ATP10A: variants seen among roughly 807,000 people sequenced by gnomAD.
ATP10A encodes ATPase phospholipid transporting 10A (putative).
ATP10A carries 111 observed loss-of-function variants against 147.8 expected under a neutral mutation model. That is an observed-to-expected ratio of 0.75 (90% CI 0.64 to 0.88). The LOEUF (loss-of-function observed/expected upper bound fraction) is 0.88. Ranked by LOEUF, ATP10A falls within the 40% of genes least tolerant of loss-of-function variation. The pLI, the probability that ATP10A is intolerant of heterozygous loss-of-function variation, is 0.00. For missense variants in ATP10A, 1,927 were observed against 1,959.0 expected, an observed-to-expected ratio of 0.98 and a Z score of 0.31; for synonymous variants, 875 against 841.6, an observed-to-expected ratio of 1.04 and a Z score of -0.69.
In ATP10A at chr15:25,683,385, C is replaced by G; in HGVS notation, c.3393G>C (p.Ser1131=). The stretch of plus-strand genomic sequence containing the variant: ...CCCCAGTCACGAGCGGGGGAAGTGA[C>G]GAGAAGAGCAGATTAAAGAAGATTA... ...WYLIFFNLLF[S]SLPPLVTGVL... Residue 1131 remains serine (S), a synonymous_variant, in exon 17 of 21, where the codon TCG becomes TCC. Transcript: ENST00000555815. The G allele has an allele frequency of 1.2e-6, 2 of 1,613,946 alleles. No homozygotes were observed. Among genetic ancestry groups the G allele is most frequent in the Admixed American group, 1.7e-5 (1 of 60,010 alleles).
In ATP10A at chr15:25,679,600, T is replaced by G; in HGVS notation, c.4241A>C (p.Lys1414Thr). The part of the protein sequence containing the change: ...RSPGGCPEES[K>T]VRAASTGRVT... ...CCTGCCGGTGCTGGCAGCTCTCACCTTGGACTCCTCAGGACACCCTCCTGG... is the reference window on the plus strand; with the variant it reads ...CCTGCCGGTGCTGGCAGCTCTCACCGTGGACTCCTCAGGACACCCTCCTGG... Residue 1414 changes from lysine to threonine, a missense_variant, in exon 21 of 21, where the codon AAG becomes ACG. Lys to Thr is a moderately conservative substitution (Grantham distance 78). Transcript: ENST00000555815. 2 of 1,611,242 alleles carry G rather than the reference T, an allele frequency of 1.2e-6. No individual in the cohort carries two copies. The highest frequency in any genetic ancestry group is 1.7e-6 in the Non-Finnish European group (2 of 1,178,138).
At chr15:25,698,803 T>C (rs539402161) in intron 13 of ATP10A, among the ~76,000 whole-genome samples, 3 of 152,360 alleles carry the variant, frequency 2.0e-5, no homozygotes, top group African/African-American at 4.8e-5. Flanking sequence ...TTTCAACTTA[T>C]GATTTTTTTG....
chr15:25,751,336 C>T (rs558557502), intron 2 of ATP10A, among the ~76,000 whole-genome samples: 1 of 152,062 alleles, frequency 6.6e-6, no homozygotes, highest in Admixed American at 6.5e-5. Flanking sequence ...TTCAGTAGCC[C>T]TTTACAATAA....
intron 2 of ATP10A, among the ~76,000 whole-genome samples, chr15:25,774,681 A>C (rs1889520654): frequency 6.7e-6 from 1 of 149,216 alleles, no homozygotes; most frequent in Admixed American, 6.6e-5. Context: ...TTATGAAGTC[A>C]CCAGAATTTA....
In ATP10A at chr15:25,733,693, T is replaced by C. The variant is rs1017231857; in HGVS notation, c.740+2363A>G. ...AAAGAGCGTCAGGTGTGGAGAGGCC[T>C]GAATTGGCTGGGCGCACACTGGCCC... On this transcript the variant is annotated intron_variant, in intron 3 of 20. Transcript: ENST00000555815. 2.6e-5 allele frequency among the ~76,000 whole-genome samples: 4 copies of C among 152,150 alleles called. No homozygotes were observed. In the East Asian group the frequency reaches 7.7e-4, roughly 29 times the overall value.
intron 2 of ATP10A, among the ~76,000 whole-genome samples, chr15:25,763,581 T>G (rs776345477): frequency 2.0e-5 from 3 of 152,212 alleles, no homozygotes; most frequent in Non-Finnish European, 2.9e-5. Flanking sequence ...GTCTGTCCTC[T>G]GTCATTATTT....
At chr15:25,835,412 T>A (rs1892546469) in intron 1 of ATP10A, among the ~76,000 whole-genome samples, 1 of 152,052 alleles carries the variant, frequency 6.6e-6, no homozygotes, top group African/African-American at 2.4e-5. Context: ...GTGAAGTGGG[T>A]CTCAATAAAG....
At chr15:25,701,844 TCTGCCAA>T in intron 13 of ATP10A, 65 bp downstream of exon 13, 1 of 1,408,466 alleles carries the variant, frequency 7.1e-7, no homozygotes, top group Non-Finnish European at 9.6e-7. Flanking sequence ...AATGTGAGTG[TCTGCCAA>T]GGGGGCCACG....
At chr15:25,713,526 C>A (rs1184348137) in intron 10 of ATP10A, 148 bp downstream of exon 10, 2 of 880,262 alleles carry the variant, frequency 2.3e-6, no homozygotes, top group Non-Finnish European at 1.7e-6. Context: ...AAACACTGAT[C>A]TGAAGAAACC....
At position 25,698,547 on chromosome 15, in the gene ATP10A, CT is replaced by C. The variant is rs201341603; in HGVS notation, c.2760+3368del. Among the ~76,000 whole-genome samples, 656 of 152,228 alleles carry C rather than the reference CT, an allele frequency of 4.3e-3. 3 individuals are homozygous for C. Among genetic ancestry groups the C allele is most frequent in the Middle Eastern group, 6.8e-3 (2 of 294 alleles). The stretch of plus-strand genomic sequence containing the variant: ...AGTAAGGCTTCTGGTCAACAGTAGG[CT>C]ATGAATAGTCAAGTTTTTGGAGAGT... On this transcript the variant is annotated intron_variant, in intron 13 of 20. Transcript: ENST00000555815.
Position 25,716,835 on chromosome 15 carries a change from C to G in ATP10A, c.1671G>C (p.Leu557=). 6.2e-7 allele frequency: 1 copy of G among 1,611,096 alleles called. No homozygotes were observed. The change falls in exon 9 of 21, where the codon CTG becomes CTC. Residue 557 remains leucine, a synonymous_variant. Coordinates refer to ENST00000555815, the MANE Select transcript of ATP10A (RefSeq NM_024490.4). ...SLAVARHQEH[L]LAHLSPELSD... ...ACAGCTCAGGCGAGAGGTGGGCCAG[C>G]AGGTGCTCCTGATGCCTCGCCACGG...
At chr15:25,693,563 G>A (rs1057190326) in intron 14 of ATP10A, among the ~76,000 whole-genome samples, 9 of 151,928 alleles carry the variant, frequency 5.9e-5, no homozygotes, top group Non-Finnish European at 1.0e-4. Context: ...GGACGCTGAC[G>A]CTCAGAGGAG....
At chr15:25,690,384 C>G (rs373649141) in intron 15 of ATP10A, among the ~76,000 whole-genome samples, 1 of 152,280 alleles carries the variant, frequency 6.6e-6, no homozygotes, top group South Asian at 2.1e-4. Context: ...GCTGGGACTA[C>G]AGGCATGGGC....
chr15:25,765,289 A>G (rs962365871), intron 2 of ATP10A, among the ~76,000 whole-genome samples: 3 of 152,164 alleles, frequency 2.0e-5, no homozygotes, highest in Non-Finnish European at 4.4e-5. Flanking sequence ...ATACCTGCCA[A>G]TAATGACAAC....
downstream of ATP10A, among the ~76,000 whole-genome samples, chr15:25,676,640 T>C (rs1363778566): frequency 6.6e-6 from 1 of 152,230 alleles, no homozygotes; most frequent in African/African-American, 2.4e-5. Context: ...AGTACATCAC[T>C]TGGGCGATTC....
intron 2 of ATP10A, among the ~76,000 whole-genome samples, chr15:25,771,292 C>T (rs571616300): frequency 5.3e-5 from 8 of 152,174 alleles, no homozygotes; most frequent in South Asian, 2.1e-4. Flanking sequence ...ACAAAGAGCC[C>T]GGCACGGCAG....
At chr15:25,810,342 C>G (rs542698001) in intron 1 of ATP10A, among the ~76,000 whole-genome samples, 1 of 152,196 alleles carries the variant, frequency 6.6e-6, no homozygotes, top group Non-Finnish European at 1.5e-5. Context: ...AGTCACCTAC[C>G]GGGACCAAGC....
intron 13 of ATP10A, among the ~76,000 whole-genome samples, chr15:25,698,748 C>T (rs972427476): frequency 5.9e-5 from 9 of 152,150 alleles, no homozygotes; most frequent in Non-Finnish European, 1.2e-4. Context: ...GTTCAATTTA[C>T]AAATTTTCAA....
At chr15:25,747,925 A>T (rs186599722) in intron 2 of ATP10A, among the ~76,000 whole-genome samples, 1 of 152,292 alleles carries the variant, frequency 6.6e-6, no homozygotes, top group African/African-American at 2.4e-5. Context: ...ATATTAAAAA[A>T]CACAAAAGTA....
Sources: gnomAD v4.1 joint callset for allele counts (sites outside exome capture counted in the v4.1 genomes callset) on GRCh38, gnomAD v4.1.1 for gene constraint, MANE v1.5 for transcripts, NCBI Gene and HGNC (gene_info 2026-07-23, HGNC 2026-07-21) for gene names.